The following APBA1 variants were observed in gnomAD, a reference collection of about 807,000 sequenced individuals.
APBA1 encodes the protein amyloid beta precursor protein binding family A member 1.
In APBA1, 55 loss-of-function variants were observed where a neutral mutation model predicts 86.6. The observed-to-expected ratio is 0.64, with a 90% CI of 0.51 to 0.80. The LOEUF is 0.80. Ranked by LOEUF, APBA1 falls within the 30% of genes least tolerant of loss-of-function variation. APBA1 has a pLI of 0.00. For synonymous variants in APBA1, 511 were observed against 493.9 expected, an observed-to-expected ratio of 1.03 and a Z score of -0.46; for missense variants, 1,090 against 1,183.0, an observed-to-expected ratio of 0.92 and a Z score of 1.15.
intron 9 of APBA1, among the ~76,000 whole-genome samples, chr9:69,450,176 C>T (rs533802670): frequency 2.0e-5 from 3 of 150,646 alleles, no homozygotes; most frequent in East Asian, 2.0e-4. Context: ...AAATTCCATG[C>T]GCAGGTTCCC....
At chr9:69,554,254 T>G (rs1444871789) in intron 1 of APBA1, among the ~76,000 whole-genome samples, 3 of 152,200 alleles carry the variant, frequency 2.0e-5, no homozygotes, top group African/African-American at 7.2e-5. Flanking sequence ...GTGAGTATTG[T>G]TCTTCCCACA....
chr9:69,523,503 A>G (rs1226234431), intron 1 of APBA1, among the ~76,000 whole-genome samples: 138 of 36,904 alleles, frequency 3.7e-3, no homozygotes, highest in Admixed American at 6.6e-3. Context: ...ATATGTATAT[A>G]TATATATATA....
At position 69,441,145 on chromosome 9, in the gene APBA1, G is replaced by A. The variant is rs767080482; in HGVS notation, c.2182-30C>T. The A allele has an allele frequency of 2.7e-5, 44 of 1,602,574 alleles. No individual in the cohort carries two copies. The South Asian group carries it at 3.8e-4, about 14-fold the overall frequency. ...AACATGAATAAAGTACAGTGGGTATGGTGACCACTGAGGCAGACAGAATAA... is the reference window on the plus strand; with the variant it reads ...AACATGAATAAAGTACAGTGGGTATAGTGACCACTGAGGCAGACAGAATAA... On this transcript the variant is annotated intron_variant, in intron 10 of 12. Coordinates refer to ENST00000265381, the MANE Select transcript of APBA1 (RefSeq NM_001163.4).
chr9:69,599,074 G>A (rs1822295130), intron 1 of APBA1, among the ~76,000 whole-genome samples: 1 of 152,148 alleles, frequency 6.6e-6, no homozygotes, highest in Non-Finnish European at 1.5e-5. Context: ...GGGAAGAGAG[G>A]GAAAGGGGAA....
intron 1 of APBA1, among the ~76,000 whole-genome samples, chr9:69,617,907 C>G (rs527938879): frequency 1.3e-5 from 2 of 152,206 alleles, no homozygotes; most frequent in South Asian, 2.1e-4. Flanking sequence ...GGACATAAAG[C>G]TAGCAGTGCT....
intron 1 of APBA1, among the ~76,000 whole-genome samples, chr9:69,635,033 G>A (rs1401177162): frequency 6.6e-6 from 1 of 152,008 alleles, no homozygotes; most frequent in Non-Finnish European, 1.5e-5. Context: ...TCATCTGAAG[G>A]CACAAAACTC....
chr9:69,455,021 GT>G (rs1272593501), intron 8 of APBA1, among the ~76,000 whole-genome samples: 4 of 152,148 alleles, frequency 2.6e-5, no homozygotes, highest in African/African-American at 9.7e-5. Flanking sequence ...GACAGTAAGT[GT>G]TGGCATCTCC....
At chr9:69,665,830 G>A (rs1019800202) in intron 1 of APBA1, among the ~76,000 whole-genome samples, 1 of 152,134 alleles carries the variant, frequency 6.6e-6, no homozygotes, top group Admixed American at 6.5e-5. Context: ...CTGCCTCCCA[G>A]GTTCAAGCAA....
chr9:69,530,573 A>G (rs909869477), intron 1 of APBA1, among the ~76,000 whole-genome samples: 2 of 152,026 alleles, frequency 1.3e-5, no homozygotes, highest in Non-Finnish European at 2.9e-5. Context: ...AAAAGAGGAG[A>G]GGGTGGTAAA....
In APBA1 at chr9:69,643,633, G is replaced by A. The variant is rs77811889; in HGVS notation, c.-70+28520C>T. Among the ~76,000 whole-genome samples the A allele has an allele frequency of 5.8e-4, 89 of 152,212 alleles. 1 individual carries two copies. The East Asian group carries it at 0.014, about 25-fold the overall frequency. ...CGGCCCATGCAGCCCAGCCCTGCCT[G>A]GACTCTATCACTTTATAAAGCTTCA... On this transcript the variant is annotated intron_variant, in intron 1 of 12. Coordinates refer to ENST00000265381, the MANE Select transcript of APBA1 (RefSeq NM_001163.4).
chr9:69,487,213 T>C (rs998868200), intron 2 of APBA1, among the ~76,000 whole-genome samples: 2 of 151,954 alleles, frequency 1.3e-5, no homozygotes, highest in Non-Finnish European at 2.9e-5. Context: ...TGACAAAGTT[T>C]TGGAGAAATT....
chr9:69,496,270 A>G (rs939898482), intron 2 of APBA1, among the ~76,000 whole-genome samples: 3 of 152,098 alleles, frequency 2.0e-5, no homozygotes, highest in African/African-American at 7.2e-5. Context: ...ATGCATGAAA[A>G]GCGCTCATCT....
At position 69,523,507 on chromosome 9, in the gene APBA1, A is replaced by G. The variant is rs1000263712; in HGVS notation, c.-69-6228T>C. 6.4e-4 allele frequency among the ~76,000 whole-genome samples: 29 copies of G among 45,304 alleles called. No homozygotes were observed. In the East Asian group the frequency reaches 9.7e-3, roughly 15 times the overall value. 29.7% of individuals were successfully genotyped at this position (45,304 alleles called of 152,430 possible). A position where few individuals can be genotyped will look rare whatever the true frequency, so the allele number is the denominator to read the frequency against. Reference sequence around the variant, plus strand: ...TATATATATATATATGTATATATATATATATATATATATATATATATATAT... The same window carrying G: ...TATATATATATATATGTATATATATGTATATATATATATATATATATATAT... On this transcript the variant is annotated intron_variant, in intron 1 of 12. Coordinates refer to ENST00000265381, the MANE Select transcript of APBA1 (RefSeq NM_001163.4).
chr9:69,565,448 G>A (rs761528214), intron 1 of APBA1, among the ~76,000 whole-genome samples: 1 of 151,928 alleles, frequency 6.6e-6, no homozygotes, highest in Non-Finnish European at 1.5e-5. Flanking sequence ...AATCATCTAC[G>A]CACCAGTGCT....
chr9:69,565,858 C>T (rs1393068314), intron 1 of APBA1, among the ~76,000 whole-genome samples: 3 of 152,214 alleles, frequency 2.0e-5, no homozygotes, highest in African/African-American at 7.2e-5. Context: ...CCAGAGTGAT[C>T]TTTCTAAAAT....
chr9:69,471,713 A>G lies in APBA1; in HGVS notation c.1297-18T>C. ...TTTCTTGACTGTAATAAAGACAAAG[A>G]GGTTTCAAAAAGAGCAAAGCATAAT... On this transcript the variant is annotated intron_variant, in intron 3 of 12. Coordinates refer to ENST00000265381, the MANE Select transcript of APBA1 (RefSeq NM_001163.4). 6.2e-7 allele frequency: 1 copy of G among 1,608,904 alleles called. No individual in the cohort carries two copies. The highest frequency in any genetic ancestry group is 8.5e-7 in the Non-Finnish European group (1 of 1,176,566).
chr9:69,516,531 C>T lies in APBA1; in HGVS notation c.680G>A (p.Arg227His). The T allele has an allele frequency of 6.3e-7, 1 of 1,594,166 alleles. No individual in the cohort carries two copies. Residue 227 changes from arginine (R) to histidine (H), a missense_variant, in exon 2 of 13, where the codon CGC becomes CAC. This residue lies in a region of APBA1 where 678 missense variants were observed against 647.1 expected (regional missense o/e 1.05). Transcript: ENST00000265381. This position sits in a 1 kb window ranked among gnomAD's most constrained non-coding sequence, Gnocchi z 7.3. Reference protein sequence around the residue: ...EQERDEAAAYRQEALGARLHH... With the variant: ...EQERDEAAAYHQEALGARLHH... ...CAGCCGCGCGCCCAGGGCCTCCTGG[C>T]GGTACGCGGCCGCCTCGTCGCGCTC... is the stretch of plus-strand genomic sequence containing the variant.
At chr9:69,624,926 T>C (rs1196151224) in intron 1 of APBA1, among the ~76,000 whole-genome samples, 1 of 152,210 alleles carries the variant, frequency 6.6e-6, no homozygotes, top group African/African-American at 2.4e-5. Flanking sequence ...AAATAGGGCA[T>C]GACCAGCCTT....
intron 1 of APBA1, among the ~76,000 whole-genome samples, chr9:69,553,514 T>C (rs1444422946): frequency 6.6e-6 from 1 of 152,212 alleles, no homozygotes; most frequent in East Asian, 1.9e-4. Flanking sequence ...TATAATGATT[T>C]AAAATTCACC....
Sources: allele counts gnomAD v4.1 joint callset (sites outside exome capture counted in the v4.1 genomes callset), GRCh38; gene constraint gnomAD v4.1.1; regional missense constraint gnomAD v4.1.1; non-coding constraint Gnocchi (gnomAD v3.1); transcripts MANE v1.5; gene names NCBI Gene and HGNC (gene_info 2026-07-23, HGNC 2026-07-21).